The following USP26 variants were observed in gnomAD, a reference collection of about 807,000 sequenced individuals.
The protein encoded by USP26 is ubiquitin specific peptidase 26, also known as ubiquitin carboxyl-terminal hydrolase 26.
For synonymous variants in USP26, 236 were observed against 240.6 expected, an observed-to-expected ratio of 0.98 and a Z score of 0.18; for missense variants, 649 against 642.3, an observed-to-expected ratio of 1.01 and a Z score of -0.11.
chrX:133,027,368 A>T lies in USP26; in HGVS notation c.853T>A (p.Phe285Ile). Residue 285 changes from phenylalanine to isoleucine, a missense_variant, in exon 6 of 6, where the codon TTT (phenylalanine) becomes ATT (isoleucine). Coordinates refer to ENST00000511190, the MANE Select transcript of USP26 (RefSeq NM_031907.3). The part of the protein sequence containing the change: ...GYTKWDKLKL[F>I]FELFPEKICH... ...ATTTTCTCTGGAAATAATTCAAAAA[A>T]TAGTTTTAATTTATCCCACTTTGTG... 1 of 1,211,385 alleles carries T rather than the reference A, an allele frequency of 8.3e-7. No individual in the cohort carries two copies. Among genetic ancestry groups the T allele is most frequent in the East Asian group, 3.0e-5 (1 of 33,838 alleles).
chrX:133,081,275 G>A (rs944452938), intron 5 of USP26, among the ~76,000 whole-genome samples: 19 of 89,230 alleles, frequency 2.1e-4, no homozygotes, highest in African/African-American at 6.9e-4. Flanking sequence ...ATAAAAAGAT[G>A]ATGATTAACA....
chrX:133,025,883 G>T lies in USP26; in HGVS notation c.2338C>A (p.Leu780Ile). Residue 780 changes from leucine to isoleucine, a missense_variant, in exon 6 of 6, where the codon CTA becomes ATA. Leu to Ile is a conservative substitution (Grantham distance 5, BLOSUM62 2). Transcript: ENST00000511190. ...AGGGAATTCCTGTTAGACTTCTGTAGATTTAATTTTGTAGGTCTTAGGAGG... is the reference window on the plus strand; with the variant it reads ...AGGGAATTCCTGTTAGACTTCTGTATATTTAATTTTGTAGGTCTTAGGAGG... ...KNLLRPTKLN[L>I]QKSNRNSLLA... 1 of 1,211,262 alleles carries T rather than the reference G, an allele frequency of 8.3e-7. No homozygotes were observed. The highest frequency in any genetic ancestry group is 1.1e-6 in the Non-Finnish European group (1 of 895,294).
intron 5 of USP26, among the ~76,000 whole-genome samples, chrX:133,036,966 T>A (rs775552197): frequency 1.8e-4 from 20 of 112,812 alleles, no homozygotes; most frequent in Non-Finnish European, 3.4e-4. Context: ...GTTGGCCACA[T>A]AAATGTCTTC....
chrX:133,045,655 C>A (rs12010775), intron 5 of USP26, among the ~76,000 whole-genome samples: 2 of 110,987 alleles, frequency 1.8e-5, no homozygotes, highest in African/African-American at 6.6e-5. Flanking sequence ...TAACACTCAC[C>A]GTGAAGGTCT....
chrX:133,032,521 C>T (rs1338210974), intron 5 of USP26, among the ~76,000 whole-genome samples: 3 of 111,895 alleles, frequency 2.7e-5, no homozygotes, highest in Non-Finnish European at 5.6e-5. Flanking sequence ...GGACTAGTAA[C>T]CTTGCTGAGT....
rs145405436 is a variant in USP26, at chrX:133,029,903, T to C, written c.-76-1607A>G. ...CATGGAAAGTAAAGGTTAAGAACCA[T>C]CTTGCTGATGTACAAGTTGAGTGGT... is the stretch of plus-strand genomic sequence containing the variant. On this transcript the variant is annotated intron_variant, in intron 5 of 5. Transcript: ENST00000511190. 1.0e-3 allele frequency among the ~76,000 whole-genome samples: 116 copies of C among 112,057 alleles called. 1 individual carries two copies. The highest frequency in any genetic ancestry group is 3.5e-3 in the African/African-American group (109 of 30,918).
At position 133,040,330 on chromosome X, in the gene USP26, C is replaced by T. The variant is rs751039021; in HGVS notation, c.-76-12034G>A. 2.7e-4 allele frequency among the ~76,000 whole-genome samples: 30 copies of T among 111,467 alleles called. No homozygotes were observed. The South Asian group carries it at 5.7e-3, about 21-fold the overall frequency. ...GGTGTGTTTTTGCAGTGGCTGGTAC[C>T]GGTTTTTCCTTCCATATTTAGTGCT... On this transcript the variant is annotated intron_variant, in intron 5 of 5. Transcript: ENST00000511190.
intron 5 of USP26, among the ~76,000 whole-genome samples, chrX:133,052,985 G>A (rs1012821953): frequency 4.5e-5 from 5 of 111,607 alleles, no homozygotes; most frequent in Admixed American, 3.8e-4. Context: ...GAAAAAGAAA[G>A]AAAATACTAT....
At chrX:133,094,419 T>C (rs1209874396) in intron 1 of USP26, among the ~76,000 whole-genome samples, 1 of 110,017 alleles carries the variant, frequency 9.1e-6, no homozygotes. Context: ...CCTTTTTTTT[T>C]TTTTTCTGGG....
chrX:133,038,661 A>G (rs1436382209), intron 5 of USP26, among the ~76,000 whole-genome samples: 1 of 111,718 alleles, frequency 9.0e-6, no homozygotes, highest in Non-Finnish European at 1.9e-5. Context: ...TGGAATCAGG[A>G]TGATGCTGGC....
chrX:133,050,481 T>C (rs966486418), intron 5 of USP26, among the ~76,000 whole-genome samples: 26 of 112,382 alleles, frequency 2.3e-4, no homozygotes, highest in African/African-American at 7.8e-4. Flanking sequence ...TTGTGACCAC[T>C]CAGGTCCTCA....
chrX:133,025,853 C>T lies in USP26; in HGVS notation c.2368G>A (p.Ala790Thr). ...CTTGGATTCTTATTGGAACCCAGTG[C>T]AAGTAGGGAATTCCTGTTAGACTTC... ...LQKSNRNSLL[A>T]LGSNKNPRNK... is the part of the protein sequence containing the mutation. Residue 790 changes from alanine (A) to threonine (T), a missense_variant, in exon 6 of 6, where the codon GCA becomes ACA. Ala to Thr is a moderately conservative substitution (Grantham distance 58, BLOSUM62 0). Coordinates refer to ENST00000511190, the MANE Select transcript of USP26 (RefSeq NM_031907.3). 1 of 1,210,309 alleles carries T rather than the reference C, an allele frequency of 8.3e-7. No homozygotes were observed. The highest frequency in any genetic ancestry group is 1.1e-6 in the Non-Finnish European group (1 of 894,554).
intron 5 of USP26, among the ~76,000 whole-genome samples, chrX:133,038,429 G>T (rs751886003): frequency 2.7e-5 from 3 of 111,911 alleles, no homozygotes; most frequent in South Asian, 7.5e-4. Context: ...TAATCATGTG[G>T]TTTTTGTCAT....
intron 1 of USP26, among the ~76,000 whole-genome samples, chrX:133,095,711 A>G (rs1391817201): frequency 9.0e-6 from 1 of 111,607 alleles, no homozygotes; most frequent in Non-Finnish European, 1.9e-5. Flanking sequence ...AGAGGTCCTC[A>G]TACGTGGCCA....
intron 5 of USP26, 110 bp from the exon 6 acceptor site, chrX:133,028,406 C>G: frequency 2.0e-6 from 1 of 508,937 alleles, no homozygotes; most frequent in Non-Finnish European, 3.3e-6. Context: ...ATATCCAGCT[C>G]TTCAGTAACG....
In USP26 at chrX:133,057,866, A is replaced by ATTTTTTTTT. The variant is rs59814007; in HGVS notation, c.-77+25832_-77+25840dup. The stretch of plus-strand genomic sequence containing the variant: ...ACATTATATATATATATATATATAT[A>ATTTTTTTTT]TTTTTTTTTTTTTTTTTTTTTTTTT... On this transcript the variant is annotated intron_variant, in intron 5 of 5. Transcript: ENST00000511190. Among the ~76,000 whole-genome samples, 7 of 9,334 alleles carry ATTTTTTTTT rather than the reference A, an allele frequency of 7.5e-4. 2 individuals are homozygous for ATTTTTTTTT. Among genetic ancestry groups the ATTTTTTTTT allele is most frequent in the Non-Finnish European group, 1.1e-3 (7 of 6,167 alleles). 8.1% of individuals were successfully genotyped at this position (9,334 alleles called of 115,157 possible). A position where few individuals can be genotyped will look rare whatever the true frequency, so the allele number is the denominator to read the frequency against.
intron 4 of USP26, among the ~76,000 whole-genome samples, chrX:133,087,061 C>T (rs1209631160): frequency 9.0e-6 from 1 of 110,811 alleles, no homozygotes; most frequent in Admixed American, 9.7e-5. Context: ...GATAGCTCAC[C>T]TTTATTTCAG....
chrX:133,034,199 TA>T (rs1190210642), intron 5 of USP26, among the ~76,000 whole-genome samples: 1 of 111,966 alleles, frequency 8.9e-6, no homozygotes, highest in Non-Finnish European at 1.9e-5. Flanking sequence ...TATCAGAGGA[TA>T]AATTTATTTT....
intron 5 of USP26, among the ~76,000 whole-genome samples, chrX:133,043,023 G>T (rs2067425256): frequency 8.9e-6 from 1 of 111,757 alleles, no homozygotes; most frequent in Admixed American, 9.5e-5. Context: ...GTATTTCTGG[G>T]CAGAGTTAGT....
Sources: allele counts gnomAD v4.1 joint callset (sites outside exome capture counted in the v4.1 genomes callset), GRCh38; gene constraint gnomAD v4.1.1; transcripts MANE v1.5; gene names NCBI Gene and HGNC (gene_info 2026-07-23, HGNC 2026-07-21).